CHD2: variants seen among roughly 807,000 people sequenced by gnomAD.
CHD2 encodes ATP-dependent chromatin remodeler CHD2.
In CHD2, 28 loss-of-function variants were observed where a neutral mutation model predicts 243.9. That is an observed-to-expected ratio of 0.11 (90% CI 0.09 to 0.16). The LOEUF (loss-of-function observed/expected upper bound fraction) is 0.16. Among genes scored for constraint, CHD2 ranks in the 10% least tolerant of loss-of-function variants. CHD2 has a pLI of 1.00. For missense variants in CHD2, 1,386 were observed against 2,209.8 expected (o/e 0.63, Z 7.47); for synonymous variants, 775 against 779.0 (o/e 0.99, Z 0.09).
At chr15:92,918,658 A>T (rs577443807) in intron 2 of CHD2, among the ~76,000 whole-genome samples, 17 of 152,184 alleles carry the variant, frequency 1.1e-4, no homozygotes, top group African/African-American at 4.1e-4. Flanking sequence ...CCAGCACTAA[A>T]GCTACAGCTT....
intron 17 of CHD2, among the ~76,000 whole-genome samples, chr15:92,969,739 A>G (rs573147481): frequency 3.9e-5 from 6 of 152,274 alleles, no homozygotes; most frequent in African/African-American, 1.4e-4. Context: ...ACACCAAGCT[A>G]ATTCATTCTA....
intron 26 of CHD2, among the ~76,000 whole-genome samples, chr15:92,986,932 T>A (rs776377309): frequency 7.9e-5 from 12 of 152,088 alleles, no homozygotes; most frequent in Admixed American, 5.9e-4. Flanking sequence ...AGACAAGGTT[T>A]CATTATGTTG....
chr15:93,020,757 TA>T (rs2054525525), intron 38 of CHD2: 1 of 169,830 alleles, frequency 5.9e-6, no homozygotes, highest in South Asian at 1.7e-4. Flanking sequence ...AAAGAGGTTT[TA>T]TCTGTATTTC....
At chr15:92,959,936 TAGAAATTGTGTTG>T (rs2053663916) in intron 16 of CHD2, among the ~76,000 whole-genome samples, 3 of 152,228 alleles carry the variant, frequency 2.0e-5, no homozygotes, top group Non-Finnish European at 2.9e-5. Flanking sequence ...GGAATTTTGA[TAGAAATTGTGTTG>T]AATCATATAT....
At chr15:92,946,272 A>T in intron 12 of CHD2, 56 bp downstream of exon 12, 3 of 1,399,746 alleles carry the variant, frequency 2.1e-6, no homozygotes, top group Non-Finnish European at 2.9e-6. Context: ...GATAAAGAGG[A>T]TTGGACACAT....
Position 93,004,618 on chromosome 15 carries a change from C to T in CHD2, c.4280C>T (p.Pro1427Leu). 1 of 1,609,134 alleles carries T rather than the reference C, an allele frequency of 6.2e-7. No individual in the cohort carries two copies. The highest frequency in any genetic ancestry group is 8.5e-7 in the Non-Finnish European group (1 of 1,177,258). ...CTCCTTGTAACTCTTTTTTAAAAGC[C>T]TAAAAGTGGTGATGCCAAATCTTCG... is the stretch of plus-strand genomic sequence containing the variant. ...RKKSKDKKEK[P>L]KSGDAKSSSK... The change falls in exon 34 of 39, where the codon CCT (proline) becomes CTT (leucine). Residue 1427 changes from proline to leucine, a missense_variant and splice_region_variant. This residue lies in a region of CHD2 where 125 missense variants were observed against 128.9 expected (regional missense o/e 0.97). Transcript: ENST00000394196.
intron 26 of CHD2, 142 bp from the exon 27 acceptor site, chr15:92,991,334 A>AT (rs2054117058): frequency 9.9e-6 from 5 of 507,546 alleles, no homozygotes; most frequent in Admixed American, 4.1e-5. Flanking sequence ...ACATTTATTC[A>AT]TTTTTTTGGT....
At chr15:92,992,819 C>G in intron 27 of CHD2, 40 bp from the exon 28 acceptor site, 1 of 1,604,568 alleles carries the variant, frequency 6.2e-7, no homozygotes, top group Non-Finnish European at 8.5e-7. Flanking sequence ...GAAGAGTGGG[C>G]ACAGGGTCCT....
intron 7 of CHD2, among the ~76,000 whole-genome samples, chr15:92,941,108 T>C (rs1337200381): frequency 6.6e-6 from 1 of 150,610 alleles, no homozygotes; most frequent in Non-Finnish European, 1.5e-5. Flanking sequence ...TTCAAGTGAT[T>C]CTGCTGCCTC....
At chr15:92,973,104 A>T (rs1212242760) in intron 19 of CHD2, among the ~76,000 whole-genome samples, 2 of 152,220 alleles carry the variant, frequency 1.3e-5, no homozygotes, top group Non-Finnish European at 2.9e-5. Context: ...AGGAGAGGGC[A>T]GTATCAGACA....
At chr15:93,012,304 T>A in intron 35 of CHD2, 41 bp from the exon 36 acceptor site, 3 of 1,447,888 alleles carry the variant, frequency 2.1e-6, no homozygotes, top group Non-Finnish European at 2.8e-6. Context: ...ATTGCTTTTC[T>A]AATTCTATAA....
intron 20 of CHD2, 59 bp from the exon 21 acceptor site, chr15:92,978,175 A>G: frequency 6.2e-7 from 1 of 1,603,542 alleles, no homozygotes. Context: ...GGCTTATTGG[A>G]CTGTGAAACT....
At chr15:92,949,426 G>C (rs2053521894) in intron 13 of CHD2, among the ~76,000 whole-genome samples, 1 of 152,140 alleles carries the variant, frequency 6.6e-6, no homozygotes, top group Non-Finnish European at 1.5e-5. Flanking sequence ...GAAAGAAGAA[G>C]ATGTCTTTTT....
At position 92,938,574 on chromosome 15, in the gene CHD2, TTTATC is replaced by T. The variant is rs1251633211; in HGVS notation, c.551+951_551+955del. 1.1e-4 allele frequency among the ~76,000 whole-genome samples: 16 copies of T among 152,296 alleles called. No individual in the cohort carries two copies. The East Asian group carries it at 3.1e-3, about 29-fold the overall frequency. On this transcript the variant is annotated intron_variant, in intron 6 of 38. Coordinates refer to ENST00000394196, the MANE Select transcript of CHD2 (RefSeq NM_001271.4). ...ATTTGTCAACTGAATTTTATCTTAT[TTTATC>T]TCAGCTTAATAAGTTTATCTCAGAA...
intron 33 of CHD2, 134 bp downstream of exon 33, chr15:93,002,451 G>A (rs373461393): frequency 1.8e-5 from 25 of 1,373,308 alleles, no homozygotes; most frequent in Non-Finnish European, 2.3e-5. Context: ...GATGGGTGGG[G>A]CCGTTGATGG....
In CHD2 at chr15:92,953,350, T is replaced by C. The variant is rs777008776; in HGVS notation, c.1503-7T>C. 8.1e-5 allele frequency: 131 copies of C among 1,609,172 alleles called. 2 individuals are homozygous for C. The highest frequency in any genetic ancestry group is 1.7e-6 in the Non-Finnish European group (2 of 1,177,402). On this transcript the variant is annotated splice_polypyrimidine_tract_variant and splice_region_variant and intron_variant, in intron 13 of 38. Transcript: ENST00000394196. ...TTTTTGTTTTTATTTATTTTTTCTT[T>C]CTGCAGAAATAATAGTGTAATCCTT...
chr15:92,969,008 G>C (rs1019612057), intron 17 of CHD2, among the ~76,000 whole-genome samples: 1 of 152,152 alleles, frequency 6.6e-6, no homozygotes, highest in Admixed American at 6.5e-5. Context: ...AAGAAGTTCT[G>C]CATACTCCTT....
chr15:92,941,731 G>T (rs1463542227), intron 7 of CHD2, 91 bp from the exon 8 acceptor site: 5 of 1,306,740 alleles, frequency 3.8e-6, no homozygotes, highest in Non-Finnish European at 5.3e-6. Context: ...GAACCAAAAG[G>T]GTATGGTTTC....
At chr15:93,016,232 G>A (rs926562040) in intron 37 of CHD2, among the ~76,000 whole-genome samples, 2 of 152,222 alleles carry the variant, frequency 1.3e-5, no homozygotes, top group African/African-American at 2.4e-5. Flanking sequence ...GGGCATTTAT[G>A]TTAAGTGAAA....
Sources: allele counts gnomAD v4.1 joint callset (sites outside exome capture counted in the v4.1 genomes callset), GRCh38; gene constraint gnomAD v4.1.1; regional missense constraint gnomAD v4.1.1; transcripts MANE v1.5; gene names NCBI Gene and HGNC (gene_info 2026-07-23, HGNC 2026-07-21).